The following ME3 variants were observed in gnomAD, a reference collection of about 807,000 sequenced individuals.
The protein encoded by ME3 is NADP-dependent malic enzyme, mitochondrial.
Under a neutral mutation model 68.9 loss-of-function variants are expected in ME3, and 48 were observed. The ratio of observed to expected loss-of-function variants is 0.70; its 90% CI spans 0.55 to 0.89. The LOEUF is 0.89. ME3 is among the 40% of genes least tolerant of loss of function. The pLI is 0.00. For synonymous variants in ME3, 320 were observed against 318.8 expected (o/e 1.00, Z -0.04); for missense variants, 675 against 797.4 (o/e 0.85, Z 1.85).
At chr11:86,437,326 A>T (rs1029537463), downstream of ME3, 1 of 152,182 alleles carries the variant, frequency 6.6e-6, no homozygotes, top group Non-Finnish European at 1.5e-5. Context: ...ACTGATGGAA[A>T]CTTAGATTAA....
chr11:86,481,740 C>T (rs528606284), intron 7 of ME3, among the ~76,000 whole-genome samples: 1 of 152,274 alleles, frequency 6.6e-6, no homozygotes, highest in East Asian at 1.9e-4. Context: ...CTCCTTTAGC[C>T]TCGGAGTTGC....
intron 2 of ME3, among the ~76,000 whole-genome samples, chr11:86,644,921 C>G (rs765905928): frequency 6.6e-6 from 1 of 152,164 alleles, no homozygotes; most frequent in Non-Finnish European, 1.5e-5. Flanking sequence ...TGAACAGAAG[C>G]AGGGTGGGGC....
chr11:86,624,098 A>G (rs11819827), intron 2 of ME3, among the ~76,000 whole-genome samples: 7,201 of 152,238 alleles, frequency 0.047, 196 homozygotes, highest in Middle Eastern at 0.12. Flanking sequence ...CGGAAGTTTA[A>G]TATAAACTTT....
chr11:86,573,434 T>TG (rs1957917940), intron 2 of ME3, among the ~76,000 whole-genome samples: 1 of 151,680 alleles, frequency 6.6e-6, no homozygotes, highest in East Asian at 1.9e-4. Flanking sequence ...TAGTCTTTTT[T>TG]TTTTTTTGGT....
At chr11:86,528,636 C>T (rs1294431253) in intron 4 of ME3, among the ~76,000 whole-genome samples, 9 of 152,054 alleles carry the variant, frequency 5.9e-5, no homozygotes, top group Admixed American at 1.3e-4. Context: ...TGTAAAAGAA[C>T]AGAAATTATA....
chr11:86,512,256 A>G (rs1223444907), intron 4 of ME3, among the ~76,000 whole-genome samples: 1 of 152,188 alleles, frequency 6.6e-6, no homozygotes, highest in Non-Finnish European at 1.5e-5. Flanking sequence ...CATGCTCTTG[A>G]TAACTTCCAA....
chr11:86,657,504 A>G (rs1945980800), intron 2 of ME3, among the ~76,000 whole-genome samples: 1 of 152,174 alleles, frequency 6.6e-6, no homozygotes, highest in Non-Finnish European at 1.5e-5. Context: ...TAGCATTACC[A>G]GAAATAGCTA....
At chr11:86,545,327 G>A (rs1398398325) in intron 4 of ME3, among the ~76,000 whole-genome samples, 1 of 152,148 alleles carries the variant, frequency 6.6e-6, no homozygotes, top group East Asian at 1.9e-4. Context: ...AGGGCAATCA[G>A]GCAAGAGAAA....
At chr11:86,463,333 G>A (rs555706870) in intron 8 of ME3, among the ~76,000 whole-genome samples, 1 of 152,318 alleles carries the variant, frequency 6.6e-6, no homozygotes, top group East Asian at 1.9e-4. Flanking sequence ...CTGATTCATG[G>A]GTGAATTCAT....
chr11:86,556,969 T>G (rs148662240), intron 3 of ME3, among the ~76,000 whole-genome samples: 40 of 152,228 alleles, frequency 2.6e-4, no homozygotes, highest in Middle Eastern at 6.8e-3. Context: ...GAAGTAGGGA[T>G]TATAATTCTT....
intron 2 of ME3, among the ~76,000 whole-genome samples, chr11:86,648,178 A>G (rs1478154218): frequency 1.3e-5 from 2 of 152,230 alleles, no homozygotes; most frequent in Non-Finnish European, 2.9e-5. Flanking sequence ...TAACAAAACT[A>G]AGGCAGAAAT....
chr11:86,445,837 G>A (rs1193150481), intron 13 of ME3, among the ~76,000 whole-genome samples: 1 of 152,006 alleles, frequency 6.6e-6, no homozygotes, highest in Non-Finnish European at 1.5e-5. Context: ...GTCCTCCAAG[G>A]AGAAAAAAAC....
chr11:86,610,251 T>G (rs1462978769), intron 2 of ME3, among the ~76,000 whole-genome samples: 3 of 152,138 alleles, frequency 2.0e-5, no homozygotes, highest in Non-Finnish European at 2.9e-5. Context: ...TTATAATGTT[T>G]CATTTAAAAA....
chr11:86,497,842 A>G, intron 6 of ME3, 121 bp downstream of exon 6: 1 of 1,164,862 alleles, frequency 8.6e-7, no homozygotes, highest in Non-Finnish European at 1.2e-6. Context: ...CCTGGTCGGG[A>G]GGATGCCAAG....
chr11:86,664,101 A>G (rs1166569995), intron 2 of ME3, among the ~76,000 whole-genome samples: 1 of 152,226 alleles, frequency 6.6e-6, no homozygotes, highest in African/African-American at 2.4e-5. Flanking sequence ...TATGTTACAG[A>G]TGGGCCAGCT....
chr11:86,579,833 A>G (rs577364783), intron 2 of ME3, among the ~76,000 whole-genome samples: 43 of 152,218 alleles, frequency 2.8e-4, no homozygotes, highest in Non-Finnish European at 4.9e-4. Context: ...TCAAAGGTCA[A>G]TGGATTCCAA....
intron 8 of ME3, chr11:86,462,433 T>TA (rs1480520489): frequency 4.8e-6 from 2 of 417,674 alleles, no homozygotes; most frequent in Non-Finnish European, 6.4e-6. Context: ...AGGCAAAAGT[T>TA]ATGCAGATTT....
chr11:86,455,431 G>T (rs751808506), intron 8 of ME3, among the ~76,000 whole-genome samples: 2 of 152,198 alleles, frequency 1.3e-5, no homozygotes, highest in Non-Finnish European at 2.9e-5. Flanking sequence ...ATTTCTGTTT[G>T]TAAGGAAAGA....
At chr11:86,475,872 T>TAGAGAGAGAGAGAGAGAG (rs1317802075) in intron 7 of ME3, among the ~76,000 whole-genome samples, 8 of 103,742 alleles carry the variant, frequency 7.7e-5, no homozygotes, top group East Asian at 4.9e-4. Flanking sequence ...TATATATATA[T>TAGAGAGAGAGAGAGAGAG]ATAGAGAGAG....
Sources: allele counts gnomAD v4.1 joint callset (sites outside exome capture counted in the v4.1 genomes callset), GRCh38; gene constraint gnomAD v4.1.1; transcripts MANE v1.5; gene names NCBI Gene and HGNC (gene_info 2026-07-23, HGNC 2026-07-21).